Variants in IL1R1 observed in about 807,000 individuals in gnomAD.
The protein encoded by IL1R1 is interleukin-1 receptor type 1.
IL1R1 carries 22 observed loss-of-function variants against 50.2 expected under a neutral mutation model. That is an observed-to-expected ratio of 0.44 (90% CI 0.31 to 0.63). The LOEUF (loss-of-function observed/expected upper bound fraction) is 0.63. IL1R1 is among the 20% of genes least tolerant of loss of function. The pLI, the probability that IL1R1 is intolerant of heterozygous loss-of-function variation, is 0.07. For synonymous variants in IL1R1, 251 were observed against 236.7 expected, an observed-to-expected ratio of 1.06 and a Z score of -0.55; for missense variants, 509 against 676.2, an observed-to-expected ratio of 0.75 and a Z score of 2.74.
At chr2:102,153,823 G>A (rs1683917309) in intron 1 of IL1R1, 118 bp from the exon 2 acceptor site, 1 of 152,370 alleles carries the variant, frequency 6.6e-6, no homozygotes, top group South Asian at 2.1e-4. Context: ...CCCAGTCTCA[G>A]ATATTTCTTT....
At position 102,072,103 on chromosome 2, in the gene IL1R1, C is replaced by CA. The variant is rs367569298; in HGVS notation, c.-84+1577dup. 2.0e-3 allele frequency among the ~76,000 whole-genome samples: 310 copies of CA among 151,328 alleles called. 1 individual carries two copies. The highest frequency in any genetic ancestry group is 7.4e-3 in the African/African-American group (302 of 41,042). Reference sequence around the variant, plus strand: ...CAAAACCCCGTCTCTAGTAAAAATACAAAAAAATTAGCTGGGCATGGTGGC... The same window carrying CA: ...CAAAACCCCGTCTCTAGTAAAAATACAAAAAAAATTAGCTGGGCATGGTGGC... On this transcript the variant is annotated intron_variant, in intron 1 of 11. Coordinates refer to the IL1R1 transcript ENST00000409929.
At chr2:102,148,556 T>C (rs1683358386) in intron 1 of IL1R1, among the ~76,000 whole-genome samples, 1 of 152,232 alleles carries the variant, frequency 6.6e-6, no homozygotes. Context: ...GAGATTTTTC[T>C]TTCTGCTTCA....
Position 102,077,182 on chromosome 2 carries a change from C to A in IL1R1, c.-84+6649C>A, listed in dbSNP as rs982241435. Among the ~76,000 whole-genome samples, 4 of 152,078 alleles carry A rather than the reference C, an allele frequency of 2.6e-5. No homozygotes were observed. In the East Asian group the frequency reaches 7.7e-4, roughly 29 times the overall value. ...ACCTCCTGGATTCAAGCAATTCTCA[C>A]ATCTCAGCCTCCTGAGTAGCTGGGA... On this transcript the variant is annotated intron_variant, in intron 1 of 11. Coordinates refer to the IL1R1 transcript ENST00000409929.
At chr2:102,155,282 C>G (rs2104516028) in intron 2 of IL1R1, among the ~76,000 whole-genome samples, 1 of 152,326 alleles carries the variant, frequency 6.6e-6, no homozygotes, top group African/African-American at 2.4e-5. Flanking sequence ...CACATAGCGC[C>G]ATCAATGACA....
intron 1 of IL1R1, among the ~76,000 whole-genome samples, chr2:102,092,274 G>T (rs978895294): frequency 3.9e-5 from 6 of 152,028 alleles, no homozygotes; most frequent in Non-Finnish European, 7.3e-5. Context: ...GGGGCGGGAG[G>T]CTGGCAATCA....
Position 102,175,665 on chromosome 2 carries a change from G to C in IL1R1, c.1303+20G>C, listed in dbSNP as rs766333371. The stretch of plus-strand genomic sequence containing the variant: ...GGGAAGGTATGTGTGTAATGGAACA[G>C]AGTAAAGGCTTATTGTTGTAAAACT... On this transcript the variant is annotated intron_variant, in intron 11 of 11. Transcript: ENST00000410023. 6.2e-7 allele frequency: 1 copy of C among 1,609,952 alleles called. No homozygotes were observed. Among genetic ancestry groups the C allele is most frequent in the Non-Finnish European group, 8.5e-7 (1 of 1,176,254 alleles).
chr2:102,174,089 CCCCCT>C (rs1449730791), intron 9 of IL1R1, among the ~76,000 whole-genome samples: 2 of 152,064 alleles, frequency 1.3e-5, no homozygotes, highest in East Asian at 3.8e-4. Context: ...TCTTCTCTAG[CCCCCT>C]CCCCATCACC....
At chr2:102,072,576 G>GGCTTTTT (rs1201761029) in intron 1 of IL1R1, among the ~76,000 whole-genome samples, 12 of 152,054 alleles carry the variant, frequency 7.9e-5, no homozygotes, top group Admixed American at 3.3e-4. Flanking sequence ...CACGTCTATT[G>GGCTTTTT]GCTTTTTGCT....
At chr2:102,119,805 G>T (rs1257388060) in intron 1 of IL1R1, among the ~76,000 whole-genome samples, 3 of 152,152 alleles carry the variant, frequency 2.0e-5, no homozygotes, top group African/African-American at 7.2e-5. Context: ...TGTATGCATG[G>T]TGAGAACAGC....
upstream of IL1R1, among the ~76,000 whole-genome samples, chr2:102,138,572 A>T (rs972516887): frequency 6.6e-6 from 1 of 152,226 alleles, no homozygotes; most frequent in Non-Finnish European, 1.5e-5. Flanking sequence ...AAAGATAATC[A>T]TAGTAGCCCA....
At chr2:102,122,566 A>G (rs955557545) in intron 1 of IL1R1, among the ~76,000 whole-genome samples, 2 of 152,222 alleles carry the variant, frequency 1.3e-5, no homozygotes, top group African/African-American at 4.8e-5. Context: ...TTTAAGTATC[A>G]GGATCAGGTA....
chr2:102,078,589 CACACACACACAA>C (rs1246321376), intron 1 of IL1R1, among the ~76,000 whole-genome samples: 1 of 147,180 alleles, frequency 6.8e-6, no homozygotes, highest in Non-Finnish European at 1.5e-5. Context: ...CACACACACA[CACACACACACAA>C]GAAAAAAAAA....
Position 102,165,250 on chromosome 2 carries a change from T to C in IL1R1, c.432T>C (p.Tyr144=), listed in dbSNP as rs1320971048. 3 of 1,592,280 alleles carry C rather than the reference T, an allele frequency of 1.9e-6. No individual in the cohort carries two copies. Among genetic ancestry groups the C allele is most frequent in the Non-Finnish European group, 1.7e-6 (2 of 1,173,826 alleles). The change falls in exon 5 of 12, where the codon TAT becomes TAC. Residue 144 remains tyrosine, a synonymous_variant. Transcript: ENST00000410023. ...GAGACGGAGGACTTGTGTGCCCTTATATGGAGTTTTTTAAAAATGAAAATA... is the reference window on the plus strand; with the variant it reads ...GAGACGGAGGACTTGTGTGCCCTTACATGGAGTTTTTTAAAAATGAAAATA... ...VAGDGGLVCP[Y]MEFFKNENNE...
chr2:102,138,800 G>A (rs1682483542), upstream of IL1R1, among the ~76,000 whole-genome samples: 1 of 152,164 alleles, frequency 6.6e-6, no homozygotes, highest in African/African-American at 2.4e-5. Flanking sequence ...GAGTTTACTG[G>A]CAGTGCCATA....
intron 1 of IL1R1, among the ~76,000 whole-genome samples, chr2:102,114,311 G>C (rs989585930): frequency 6.6e-6 from 1 of 152,224 alleles, no homozygotes; most frequent in Non-Finnish European, 1.5e-5. Context: ...AACACACTGC[G>C]TGGAATGCAT....
Position 102,177,669 on chromosome 2 carries a change from G to A in IL1R1, c.*910G>A, listed in dbSNP as rs1686255179. ...ATTCCAAAGTTTTGAAGTCATCTTA[G>A]CTTTCCACAGGAGGGAGAGAACTTA... On this transcript the variant is annotated 3_prime_UTR_variant, in exon 12 of 12. Coordinates refer to ENST00000410023, the MANE Select transcript of IL1R1 (RefSeq NM_000877.4). 6.6e-6 allele frequency: 1 copy of A among 152,326 alleles called. No individual in the cohort carries two copies. Among genetic ancestry groups the A allele is most frequent in the Admixed American group, 6.5e-5 (1 of 15,286 alleles). 9.4% of individuals were successfully genotyped at this position (152,326 alleles called of 1,614,324 possible).
Position 102,164,906 on chromosome 2 carries a change from C to A in IL1R1, c.194C>A (p.Pro65His), listed in dbSNP as rs1185879650. 1 of 1,613,898 alleles carries A rather than the reference C, an allele frequency of 6.2e-7. No homozygotes were observed. The highest frequency in any genetic ancestry group is 1.3e-5 in the African/African-American group (1 of 74,902). Residue 65 changes from proline (P) to histidine (H), a missense_variant, in exon 4 of 12, where the codon CCT becomes CAT. By Grantham distance (77) the Pro-to-His change is moderately conservative. Coordinates refer to ENST00000410023, the MANE Select transcript of IL1R1 (RefSeq NM_000877.4). Reference sequence around the variant, plus strand: ...TGGTATAAAGATGACAGCAAGACACCTGTATCTACAGAACAAGCCTCCAGG... The same window carrying A: ...TGGTATAAAGATGACAGCAAGACACATGTATCTACAGAACAAGCCTCCAGG... The part of the protein sequence containing the change: ...ITWYKDDSKT[P>H]VSTEQASRIH...
intron 2 of IL1R1, among the ~76,000 whole-genome samples, chr2:102,155,418 G>A (rs1360646807): frequency 6.6e-6 from 1 of 152,216 alleles, no homozygotes; most frequent in Non-Finnish European, 1.5e-5. Flanking sequence ...CACTATGGAG[G>A]CCAGTCAGGC....
At chr2:102,095,775 C>G (rs1035083575) in intron 1 of IL1R1, among the ~76,000 whole-genome samples, 1 of 152,044 alleles carries the variant, frequency 6.6e-6, no homozygotes, top group Non-Finnish European at 1.5e-5. Flanking sequence ...GAGGCCGAGG[C>G]GGGCGGATCA....
Sources: allele counts gnomAD v4.1 joint callset (sites outside exome capture counted in the v4.1 genomes callset), GRCh38; gene constraint gnomAD v4.1.1; transcripts MANE v1.5; gene names NCBI Gene and HGNC (gene_info 2026-07-23, HGNC 2026-07-21).